UNC13A: variants seen among roughly 807,000 people sequenced by gnomAD.
UNC13A encodes unc-13 homolog A.
Under a neutral mutation model 219.7 loss-of-function variants are expected in UNC13A, and 61 were observed. That is an observed-to-expected ratio of 0.28 (90% confidence interval 0.23 to 0.34). UNC13A has a LOEUF of 0.34. Ranked by LOEUF, UNC13A falls within the 10% of genes least tolerant of loss-of-function variation. UNC13A has a pLI of 1.00. For missense variants in UNC13A, 1,476 were observed against 2,270.3 expected (o/e 0.65, Z 7.11); for synonymous variants, 920 against 884.6 (o/e 1.04, Z -0.71).
chr19:17,611,815 A>T lies in UNC13A; in HGVS notation c.4599T>A (p.His1533Gln), dbSNP rs761603484. Residue 1533 changes from histidine (H) to glutamine (Q), a missense_variant, in exon 42 of 44, where the codon CAT (histidine) becomes CAA (glutamine). Physicochemically the swap from His to Gln is conservative, Grantham distance 24 (BLOSUM62 0). Coordinates refer to ENST00000519716, the MANE Select transcript of UNC13A (RefSeq NM_001080421.3). ...TTCCTGGATGAGTGAACAGCTCAAC[A>T]TGGACAGAGACTTCACCCACAGGGT... is the stretch of plus-strand genomic sequence containing the variant. ...VEDPVGEVSV[H>Q]VELFTHPGTG... 73 of 1,614,036 alleles carry T rather than the reference A, an allele frequency of 4.5e-5. No homozygotes were observed. Among genetic ancestry groups the T allele is most frequent in the Non-Finnish European group, 6.1e-5 (72 of 1,180,008 alleles).
chr19:17,605,938 T>TGGCGTGGAGCCC lies in UNC13A; in HGVS notation c.*104_*115dup. ...CAAGGGCGTAGGCGCAGCCCACCCT[T>TGGCGTGGAGCCC]GGCGTGGAGCCCCCCGAGCCCCGCC... On this transcript the variant is annotated 3_prime_UTR_variant, in exon 44 of 44. Transcript: ENST00000519716. 1 of 991,752 alleles carries TGGCGTGGAGCCC rather than the reference T, an allele frequency of 1.0e-6. No individual in the cohort carries two copies. Among genetic ancestry groups the TGGCGTGGAGCCC allele is most frequent in the South Asian group, 2.3e-5 (1 of 43,004 alleles). 61.4% of individuals were successfully genotyped at this position (991,752 alleles called of 1,614,324 possible).
intron 40 of UNC13A, among the ~76,000 whole-genome samples, 195 bp from the exon 41 acceptor site, chr19:17,618,044 TTC>T (rs2076686837): frequency 6.6e-6 from 1 of 152,180 alleles, no homozygotes; most frequent in African/African-American, 2.4e-5. Flanking sequence ...AAGGCCTGGC[TTC>T]TCCCACCTTG....
rs543671471 is a variant in UNC13A at position 17,632,701 on chromosome 19, G to C, written c.3428+81C>G. ...CTGATGCCCAGGTAACCCTAAGTAG[G>C]TCAGTCTTCCTCTCTGGCTTTCCTT... On this transcript the variant is annotated intron_variant, in intron 28 of 43. Coordinates refer to ENST00000519716, the MANE Select transcript of UNC13A (RefSeq NM_001080421.3). The C allele has an allele frequency of 3.7e-6, 6 of 1,600,692 alleles. No homozygotes were observed. The African/African-American group carries it at 6.7e-5, about 18-fold the overall frequency.
At chr19:17,616,321 G>A (rs2076661975) in intron 41 of UNC13A, 2 of 653,354 alleles carry the variant, frequency 3.1e-6, no homozygotes, top group South Asian at 1.7e-5. Context: ...TGAGGCAGAA[G>A]GACGATCCTT....
intron 3 of UNC13A, among the ~76,000 whole-genome samples, chr19:17,672,697 G>A (rs1181644545): frequency 6.6e-6 from 1 of 152,130 alleles, no homozygotes. Flanking sequence ...AGAGCTCGGG[G>A]TATCACAAAA....
chr19:17,615,162 G>A (rs1311076743), intron 41 of UNC13A, among the ~76,000 whole-genome samples: 1 of 152,182 alleles, frequency 6.6e-6, no homozygotes, highest in Non-Finnish European at 1.5e-5. Flanking sequence ...TGTACCCCTC[G>A]TGGGGCAGTT....
intron 3 of UNC13A, among the ~76,000 whole-genome samples, chr19:17,673,429 A>G (rs1174670030): frequency 6.6e-6 from 1 of 151,102 alleles, no homozygotes; most frequent in African/African-American, 2.4e-5. Context: ...CTCCTGGCTC[A>G]TGCCTATAAT....
At chr19:17,608,802 C>T (rs2076569329) in intron 43 of UNC13A, among the ~76,000 whole-genome samples, 1 of 151,952 alleles carries the variant, frequency 6.6e-6, no homozygotes, top group African/African-American at 2.4e-5. Context: ...AGGTGTGAGC[C>T]ACCACACCCA....
At chr19:17,652,761 T>C in intron 11 of UNC13A, 84 bp from the exon 12 acceptor site, 1 of 1,513,530 alleles carries the variant, frequency 6.6e-7, no homozygotes, top group Non-Finnish European at 9.1e-7. Context: ...CTGACTCCCC[T>C]CTGGGCTGGG....
chr19:17,676,312 C>T, intron 1 of UNC13A: 2 of 591,270 alleles, frequency 3.4e-6, no homozygotes, highest in South Asian at 3.6e-5. Context: ...CAGATGAGCA[C>T]AGGCAACCCT....
At chr19:17,639,332 C>T (rs2076943261) in intron 24 of UNC13A, 104 bp downstream of exon 24, 2 of 1,563,468 alleles carry the variant, frequency 1.3e-6, no homozygotes, top group Admixed American at 3.8e-5. Context: ...GAAAAGGTTA[C>T]TGAGAAAGGC....
In UNC13A at chr19:17,602,526, T is replaced by C. The variant is rs569238245; in HGVS notation, c.*3528A>G. 4 of 152,364 alleles carry C rather than the reference T, an allele frequency of 2.6e-5. No individual in the cohort carries two copies. The highest frequency in any genetic ancestry group is 4.4e-5 in the Non-Finnish European group (3 of 68,088). 9.4% of individuals were successfully genotyped at this position (152,364 alleles called of 1,614,324 possible). A position where few individuals can be genotyped will look rare whatever the true frequency, so the allele number is the denominator to read the frequency against. On this transcript the variant is annotated 3_prime_UTR_variant, in exon 44 of 44. Transcript: ENST00000519716. ...TCCTTGCATAAAGCGAGGTCCAGGG[T>C]TCAGAACCCTGGAGGTGTCATCCAA...
rs2079304974 is a variant in UNC13A, at chr19:17,649,500, G to A, written c.1518+9C>T. The A allele has an allele frequency of 5.0e-6, 8 of 1,613,900 alleles. No individual in the cohort carries two copies. Among genetic ancestry groups the A allele is most frequent in the Non-Finnish European group, 6.8e-6 (8 of 1,179,866 alleles). ...CTCTGCTCAGGGAGTAAAGGGCGAG[G>A]GTGCTTACCAAGTCGCTCACGAGTG... On this transcript the variant is annotated intron_variant, in intron 13 of 43. Coordinates refer to ENST00000519716, the MANE Select transcript of UNC13A (RefSeq NM_001080421.3). This position sits in a 1 kb window ranked among gnomAD's most constrained non-coding sequence, Gnocchi z 4.4.
intron 16 of UNC13A, among the ~76,000 whole-genome samples, chr19:17,648,073 C>T (rs1329640360): frequency 6.8e-6 from 1 of 147,302 alleles, no homozygotes; most frequent in Non-Finnish European, 1.5e-5. Flanking sequence ...TCTCTGAGCC[C>T]CTCTTCCTCT....
intron 1 of UNC13A, among the ~76,000 whole-genome samples, chr19:17,678,925 GAGAGTCTGGAC>G (rs2145923147): frequency 6.6e-6 from 1 of 152,180 alleles, no homozygotes; most frequent in Non-Finnish European, 1.5e-5. Flanking sequence ...AGCAAGAGAG[GAGAGTCTGGAC>G]AGATGGAGAG....
chr19:17,647,225 T>A, intron 17 of UNC13A, 40 bp downstream of exon 17: 1 of 1,524,788 alleles, frequency 6.6e-7, no homozygotes, highest in South Asian at 1.2e-5. Context: ...TCTCAGAGGG[T>A]GGAGAAGGAG....
At chr19:17,631,873 T>C (rs2076859322) in intron 28 of UNC13A, among the ~76,000 whole-genome samples, 1 of 152,094 alleles carries the variant, frequency 6.6e-6, no homozygotes, top group Admixed American at 6.6e-5. Flanking sequence ...GCCTCCCGAG[T>C]AGCTGGGACT....
rs1278451765 is a variant in UNC13A, at chr19:17,645,725, T to C, written c.2305A>G (p.Ile769Val). 6.2e-7 allele frequency: 1 copy of C among 1,614,214 alleles called. No homozygotes were observed. The highest frequency in any genetic ancestry group is 1.7e-5 in the Admixed American group (1 of 60,016). ...CCGCTGAGCGTCCGCACCTCAATGA[T>C]CGTCTGCCCCAGGAAATCGTCAGAT... ...RESDDFLGQT[I>V]IEVRTLSGEM... Residue 769 changes from isoleucine to valine, a missense_variant, in exon 19 of 44, where the codon ATC becomes GTC. Physicochemically the swap from Ile to Val is conservative, Grantham distance 29. This residue lies in a region of UNC13A where 66 missense variants were observed against 224.3 expected (regional missense o/e 0.29). Coordinates refer to ENST00000519716, the MANE Select transcript of UNC13A (RefSeq NM_001080421.3).
chr19:17,639,279 C>A, intron 24 of UNC13A, 62 bp from the exon 25 acceptor site: 2 of 1,605,556 alleles, frequency 1.2e-6, no homozygotes, highest in Non-Finnish European at 1.7e-6. Flanking sequence ...CAGGAAGTGA[C>A]TGCGAGTCAT....
Sources: allele counts gnomAD v4.1 joint callset (sites outside exome capture counted in the v4.1 genomes callset), GRCh38; gene constraint gnomAD v4.1.1; regional missense constraint gnomAD v4.1.1; non-coding constraint Gnocchi (gnomAD v3.1); transcripts MANE v1.5; gene names NCBI Gene and HGNC (gene_info 2026-07-23, HGNC 2026-07-21).